The following PHACTR1 variants were observed in gnomAD, a reference collection of about 807,000 sequenced individuals.
PHACTR1 encodes the protein phosphatase and actin regulator 1.
Under a neutral mutation model 69.2 loss-of-function variants are expected in PHACTR1, and 16 were observed. The observed-to-expected ratio is 0.23, with a 90% CI of 0.16 to 0.35. PHACTR1 has a LOEUF of 0.35. PHACTR1 is among the 10% of genes least tolerant of loss of function. PHACTR1 has a pLI of 1.00. For synonymous variants in PHACTR1, 312 were observed against 284.5 expected (o/e 1.10, Z -0.97); for missense variants, 510 against 734.7 (o/e 0.69, Z 3.54).
rs763315633 is a variant in PHACTR1, at chr6:13,205,904, G to A, written c.754G>A (p.Gly252Arg). ...GAAAGTCATGATCTGTATGCCCGTG[G>A]GGGGGCCAGACCTCTCACTGGTGTC... Reference protein sequence around the residue: ...PKKVMICMPVGGPDLSLVSYT... With the variant: ...PKKVMICMPVRGPDLSLVSYT... The change falls in exon 8 of 15, where the codon GGG becomes AGG. Residue 252 changes from glycine to arginine, a missense_variant. Gly to Arg is a moderately radical substitution (Grantham distance 125). Coordinates refer to ENST00000332995, the MANE Select transcript of PHACTR1 (RefSeq NM_030948.6). 5 of 1,613,670 alleles carry A rather than the reference G, an allele frequency of 3.1e-6. No homozygotes were observed. The highest frequency in any genetic ancestry group is 1.7e-5 in the Admixed American group (1 of 60,020).
rs569176331 is a variant in PHACTR1 at position 12,732,474 on chromosome 6, C to G, written c.103+13627C>G. ...TGACCCATCCTCTAAGTTCCCTTCC[C>G]TCACCCCTCACCCCAAAACAGGCCC... On this transcript the variant is annotated intron_variant, in intron 3 of 14. Transcript: ENST00000332995. 1.5e-3 allele frequency among the ~76,000 whole-genome samples: 231 copies of G among 152,252 alleles called. 1 individual carries two copies. Among genetic ancestry groups the G allele is most frequent in the African/African-American group, 5.2e-3 (218 of 41,538 alleles).
chr6:13,059,458 T>TCACACACACA (rs57652223), intron 5 of PHACTR1, among the ~76,000 whole-genome samples: 7 of 148,248 alleles, frequency 4.7e-5, no homozygotes, highest in Non-Finnish European at 7.5e-5. Context: ...AATGTTCTTA[T>TCACACACACA]CACACACACA....
chr6:12,863,624 G>A lies in PHACTR1; in HGVS notation c.250+113834G>A, dbSNP rs968679176. On this transcript the variant is annotated intron_variant, in intron 4 of 14. Transcript: ENST00000332995. ...CAAAGGCCAGGATCTGATCACAGAA[G>A]TGCAGTCCTGGGAGGACATTCTCAG... 7.9e-5 allele frequency among the ~76,000 whole-genome samples: 12 copies of A among 152,232 alleles called. No individual in the cohort carries two copies. In the South Asian group the frequency reaches 1.7e-3, roughly 21 times the overall value.
intron 4 of PHACTR1, among the ~76,000 whole-genome samples, chr6:12,763,823 T>G (rs1768302873): frequency 6.6e-6 from 1 of 152,222 alleles, no homozygotes; most frequent in Non-Finnish European, 1.5e-5. Flanking sequence ...TTATTTAGTT[T>G]AAATTTAACC....
chr6:13,178,036 G>A (rs1194382572), intron 6 of PHACTR1, among the ~76,000 whole-genome samples: 1 of 152,192 alleles, frequency 6.6e-6, no homozygotes, highest in Non-Finnish European at 1.5e-5. Flanking sequence ...AGGAGAGTAA[G>A]GCTGGCACAA....
intron 6 of PHACTR1, among the ~76,000 whole-genome samples, chr6:13,180,617 C>T (rs1019283910): frequency 6.6e-6 from 1 of 152,232 alleles, no homozygotes; most frequent in African/African-American, 2.4e-5. Flanking sequence ...CTGGTTGTCT[C>T]GTCCAGCACT....
chr6:12,775,485 A>G (rs1219589690), intron 4 of PHACTR1, among the ~76,000 whole-genome samples: 2 of 152,228 alleles, frequency 1.3e-5, no homozygotes, highest in East Asian at 3.9e-4. Flanking sequence ...AGTGCCACTC[A>G]CATTTTAAAT....
intron 4 of PHACTR1, among the ~76,000 whole-genome samples, chr6:12,968,208 T>C (rs1326330147): frequency 6.6e-6 from 1 of 152,224 alleles, no homozygotes; most frequent in African/African-American, 2.4e-5. Context: ...ATTTGCTAAA[T>C]GATGGTTCAG....
intron 3 of PHACTR1, among the ~76,000 whole-genome samples, chr6:12,735,024 A>G (rs115492679): frequency 0.016 from 2,361 of 152,306 alleles, 64 homozygotes; most frequent in African/African-American, 0.054. Flanking sequence ...ACTATCTGAC[A>G]GTTTCTGTGG....
chr6:13,147,189 A>G (rs1015512481), intron 5 of PHACTR1, among the ~76,000 whole-genome samples: 19 of 152,228 alleles, frequency 1.2e-4, no homozygotes. Context: ...AGGGACCAAT[A>G]AATGGAGACG....
rs1181254421 is a variant in PHACTR1 at position 13,029,802 on chromosome 6, T to C, written c.251-23563T>C. Among the ~76,000 whole-genome samples, 15 of 152,292 alleles carry C rather than the reference T, an allele frequency of 9.8e-5. No individual in the cohort carries two copies. In the South Asian group the frequency reaches 1.0e-3, roughly 11 times the overall value. On this transcript the variant is annotated intron_variant, in intron 4 of 14. Coordinates refer to ENST00000332995, the MANE Select transcript of PHACTR1 (RefSeq NM_030948.6). ...CAGTGAGAAGCAGTGCATATGTAAA[T>C]AAGAATGGCTGTGTTCCAGTAAAAC...
intron 4 of PHACTR1, among the ~76,000 whole-genome samples, chr6:12,881,132 T>C (rs180734805): frequency 5.8e-4 from 88 of 152,296 alleles, no homozygotes; most frequent in African/African-American, 2.1e-3. Context: ...GACTGTGGAC[T>C]AAGAGCTGAA....
At chr6:13,038,174 G>A (rs1803612352) in intron 4 of PHACTR1, among the ~76,000 whole-genome samples, 1 of 152,154 alleles carries the variant, frequency 6.6e-6, no homozygotes, top group African/African-American at 2.4e-5. Context: ...AGCAGATGCT[G>A]TTATTATCCC....
intron 6 of PHACTR1, among the ~76,000 whole-genome samples, chr6:13,168,031 C>A (rs974824715): frequency 6.6e-6 from 1 of 152,168 alleles, no homozygotes; most frequent in Admixed American, 6.5e-5. Context: ...TAAATCTTGA[C>A]GTTTATAGGA....
chr6:13,099,337 T>G (rs1814775798), intron 5 of PHACTR1, among the ~76,000 whole-genome samples: 1 of 152,238 alleles, frequency 6.6e-6, no homozygotes. Context: ...TTGTAGGCTG[T>G]CTGTCTGTTG....
intron 5 of PHACTR1, among the ~76,000 whole-genome samples, chr6:13,108,938 AT>A (rs1471839463): frequency 6.6e-6 from 1 of 151,894 alleles, no homozygotes; most frequent in Non-Finnish European, 1.5e-5. Flanking sequence ...TTTAAAAAAC[AT>A]TTTATGTACT....
At chr6:12,859,167 T>C (rs953405968) in intron 4 of PHACTR1, among the ~76,000 whole-genome samples, 3 of 152,148 alleles carry the variant, frequency 2.0e-5, no homozygotes, top group African/African-American at 4.8e-5. Flanking sequence ...CATGACTTAA[T>C]AGGATGTGGC....
intron 11 of PHACTR1, chr6:13,273,740 A>T (rs758926257): frequency 6.6e-6 from 1 of 152,216 alleles, no homozygotes; most frequent in East Asian, 1.9e-4. Flanking sequence ...TCTCGCCAAC[A>T]CTGGCCTCAA....
In PHACTR1 at chr6:13,175,548, G is replaced by A. The variant is rs1027397017; in HGVS notation, c.497-6971G>A. ...TGTCTCTCCTGAGAACAAATTAGAG[G>A]CGCTCACCAGCACACCTCTGTTAAC... On this transcript the variant is annotated intron_variant, in intron 6 of 14. Coordinates refer to ENST00000332995, the MANE Select transcript of PHACTR1 (RefSeq NM_030948.6). Among the ~76,000 whole-genome samples the A allele has an allele frequency of 2.0e-5, 3 of 152,090 alleles. No homozygotes were observed. In the East Asian group the frequency reaches 5.8e-4, roughly 29 times the overall value.
Sources: allele counts gnomAD v4.1 joint callset (sites outside exome capture counted in the v4.1 genomes callset), GRCh38; gene constraint gnomAD v4.1.1; transcripts MANE v1.5; gene names NCBI Gene and HGNC (gene_info 2026-07-23, HGNC 2026-07-21).